Variants in ANXA8 observed in about 807,000 individuals in gnomAD.
ANXA8 encodes the protein VAC-beta.
In ANXA8, 9 loss-of-function variants were observed where a neutral mutation model predicts 26.8. The ratio of observed to expected loss-of-function variants is 0.34; its 90% CI spans 0.20 to 0.59. The LOEUF (loss-of-function observed/expected upper bound fraction) is 0.59. Among genes scored for constraint, ANXA8 ranks in the 20% least tolerant of loss-of-function variants. The probability of loss-of-function intolerance (pLI) is 0.84; values close to 1 mark genes in which losing one functional copy is unlikely to be tolerated. For synonymous variants in ANXA8, 39 were observed against 94.8 expected (o/e 0.41, Z 3.42); for missense variants, 83 against 238.5 (o/e 0.35, Z 4.29).
chr10:47,977,795 A>T, the ANXA8 span, among the ~76,000 whole-genome samples: 32 of 151,666 alleles, frequency 2.1e-4, no homozygotes, highest in South Asian at 8.3e-4. Context: ...AGTCAAAAGA[A>T]TGAAGAAAAA....
At chr10:47,535,322 C>CA in the ANXA8 span, among the ~76,000 whole-genome samples, 1 of 130,540 alleles carries the variant, frequency 7.7e-6, no homozygotes, top group Non-Finnish European at 1.5e-5. Flanking sequence ...AAAATAATAA[C>CA]AATGAATGGC....
chr10:47,960,680 C>T, the ANXA8 span, among the ~76,000 whole-genome samples: 1,927 of 146,698 alleles, frequency 0.013, 44 homozygotes, highest in African/African-American at 0.049. Context: ...CCATGTCACC[C>T]GCACTCAGAT....
At chr10:47,522,525 A>G in the ANXA8 span, among the ~76,000 whole-genome samples, 1 of 149,962 alleles carries the variant, frequency 6.7e-6, no homozygotes, top group East Asian at 2.0e-4. Context: ...TACAGTTAGA[A>G]GAAACTAAGC....
chr10:47,770,069 TC>T, the ANXA8 span, among the ~76,000 whole-genome samples: 26,134 of 147,560 alleles, frequency 0.18, 1,727 homozygotes, highest in East Asian at 0.39. Flanking sequence ...TTGCCTGAAC[TC>T]AGAGCAATAA....
At chr10:47,767,224 AG>A in the ANXA8 span, among the ~76,000 whole-genome samples, 1 of 148,038 alleles carries the variant, frequency 6.8e-6, no homozygotes, top group African/African-American at 2.5e-5. Context: ...GAGGAGGGGG[AG>A]GGTTCCCCTG....
chr10:47,630,094 A>AAACTCAT, the ANXA8 span, among the ~76,000 whole-genome samples: 4 of 40,216 alleles, frequency 9.9e-5, no homozygotes, highest in Admixed American at 2.4e-4. Flanking sequence ...CTAAACTGAA[A>AAACTCAT]AGTGTGTTTT....
At chr10:47,733,143 A>ATCTTTCTTTCTTTCTT in the ANXA8 span, among the ~76,000 whole-genome samples, 15 of 98,120 alleles carry the variant, frequency 1.5e-4, no homozygotes, top group East Asian at 3.3e-4. Flanking sequence ...CAACTCCCTA[A>ATCTTTCTTTCTTTCTT]TCTTTCTTTC....
the ANXA8 span, among the ~76,000 whole-genome samples, chr10:47,547,988 G>C: frequency 7.1e-6 from 1 of 141,814 alleles, no homozygotes; most frequent in Non-Finnish European, 1.5e-5. Flanking sequence ...TTAAATAAAA[G>C]AGAAACAAAT....
the ANXA8 span, among the ~76,000 whole-genome samples, chr10:47,525,891 G>A: frequency 2.1e-3 from 257 of 121,476 alleles, 19 homozygotes; most frequent in African/African-American, 7.7e-3. Context: ...TGCAACCTCC[G>A]CCTCCCGGGC....
chr10:47,937,216 G>A, the ANXA8 span, among the ~76,000 whole-genome samples: 3 of 149,640 alleles, frequency 2.0e-5, no homozygotes, highest in Admixed American at 2.0e-4. Flanking sequence ...AGAGGTGCCT[G>A]GGCCCCACAG....
chr10:47,685,243 G>A, the ANXA8 span, among the ~76,000 whole-genome samples: 806 of 151,168 alleles, frequency 5.3e-3, 8 homozygotes, highest in Admixed American at 8.9e-3. Flanking sequence ...CTACTTGGGA[G>A]GCTGAGGTAG....
the ANXA8 span, among the ~76,000 whole-genome samples, chr10:47,693,127 T>C: frequency 6.6e-6 from 1 of 151,798 alleles, no homozygotes. Context: ...AGGAGGAAGT[T>C]GATTAAGCTT....
chr10:47,948,750 C>T, the ANXA8 span, among the ~76,000 whole-genome samples: 1 of 150,758 alleles, frequency 6.6e-6, no homozygotes, highest in Non-Finnish European at 1.5e-5. Flanking sequence ...CAAAACCACC[C>T]ATCCATGATG....
At chr10:47,767,251 CT>C in the ANXA8 span, among the ~76,000 whole-genome samples, 1 of 148,998 alleles carries the variant, frequency 6.7e-6, no homozygotes, top group Admixed American at 6.7e-5. Context: ...ATCCTGTCTG[CT>C]CTTTGGTTCT....
chr10:47,575,191 T>A, the ANXA8 span, among the ~76,000 whole-genome samples: 2 of 38,730 alleles, frequency 5.2e-5, no homozygotes, highest in Non-Finnish European at 4.6e-5. Flanking sequence ...GCAACAAGAG[T>A]GAAACTCAAA....
the ANXA8 span, among the ~76,000 whole-genome samples, chr10:47,547,914 A>C: frequency 1.4e-5 from 2 of 141,526 alleles, 1 homozygote; most frequent in Non-Finnish European, 3.1e-5. Flanking sequence ...TAATAACTAA[A>C]ACTAAAAAAA....
At chr10:47,672,356 A>AAT in the ANXA8 span, among the ~76,000 whole-genome samples, 1 of 151,928 alleles carries the variant, frequency 6.6e-6, no homozygotes, top group African/African-American at 2.4e-5. Flanking sequence ...TATGTTAAAG[A>AAT]ATAATATGTT....
the ANXA8 span, chr10:47,510,413 C>T: frequency 5.4e-6 from 7 of 1,292,170 alleles, no homozygotes; most frequent in South Asian, 8.3e-5. Flanking sequence ...TATAGAAAAC[C>T]CATTGGAGGC....
chr10:47,648,166 G>T, the ANXA8 span, among the ~76,000 whole-genome samples: 1 of 151,324 alleles, frequency 6.6e-6, no homozygotes, highest in African/African-American at 2.5e-5. Context: ...TATCAGCAAG[G>T]ACGGCAAACA....
Sources: allele counts gnomAD v4.1 joint callset (sites outside exome capture counted in the v4.1 genomes callset), GRCh38; gene constraint gnomAD v4.1.1; transcripts MANE v1.5; gene names NCBI Gene and HGNC (gene_info 2026-07-23, HGNC 2026-07-21).